RAB14: variants seen among roughly 807,000 people sequenced by gnomAD.
RAB14 encodes ras-related protein Rab-14.
Under a neutral mutation model 31.1 loss-of-function variants are expected in RAB14, and 3 were observed. The ratio of observed to expected loss-of-function variants is 0.10; its 90% confidence interval spans 0.04 to 0.25. RAB14 has a LOEUF of 0.25. Ranked by LOEUF, RAB14 falls within the 10% of genes least tolerant of loss-of-function variation. The pLI is 1.00. For missense variants in RAB14, 111 were observed against 260.1 expected (o/e 0.43, Z 3.94); for synonymous variants, 85 against 84.9 (o/e 1.00, Z 0.00).
At chr9:121,198,895 A>T (rs550566543) in intron 1 of RAB14, among the ~76,000 whole-genome samples, 1 of 152,092 alleles carries the variant, frequency 6.6e-6, no homozygotes, top group South Asian at 2.1e-4. Context: ...AATAAAAATG[A>T]GTGGTCAATT....
At chr9:121,190,270 T>C (rs547917420) in intron 4 of RAB14, among the ~76,000 whole-genome samples, 2 of 152,206 alleles carry the variant, frequency 1.3e-5, no homozygotes, top group South Asian at 2.1e-4. Context: ...TAAAATATTA[T>C]TTCTCCTCAA....
At chr9:121,199,907 T>C (rs755696371) in intron 1 of RAB14, among the ~76,000 whole-genome samples, 43 of 152,316 alleles carry the variant, frequency 2.8e-4, no homozygotes, top group Non-Finnish European at 4.6e-4. Context: ...TCCAAAGCTA[T>C]ACTCCTCTCT....
chr9:121,186,895 CT>C, intron 5 of RAB14, 57 bp downstream of exon 5: 9 of 1,266,994 alleles, frequency 7.1e-6, no homozygotes, highest in South Asian at 1.8e-5. Flanking sequence ...AATGGCTTCC[CT>C]TTTTGGGTTA....
intron 5 of RAB14, among the ~76,000 whole-genome samples, chr9:121,184,230 G>A (rs2053648123): frequency 6.6e-6 from 1 of 152,128 alleles, no homozygotes. Context: ...TACACAAGGG[G>A]CAGCTGGGAG....
chr9:121,187,922 G>C (rs771816904), intron 4 of RAB14, among the ~76,000 whole-genome samples: 2 of 151,960 alleles, frequency 1.3e-5, no homozygotes, highest in African/African-American at 2.4e-5. Flanking sequence ...ATCAGGCCTA[G>C]AACTCTTTTA....
intron 1 of RAB14, among the ~76,000 whole-genome samples, chr9:121,201,438 T>C (rs1045112872): frequency 6.6e-6 from 1 of 151,836 alleles, no homozygotes. Flanking sequence ...AGGGGACACC[T>C]CCGCCCCCGC....
rs1214749865 is a variant in RAB14 at position 121,183,493 on chromosome 9, ATGAC to A, written c.352-99_352-96del. ...AAATCCAAAAATCTTGATAGAAAAA[ATGAC>A]TGGGCCTAAAAAGAAAACCAAGTAC... is the stretch of plus-strand genomic sequence containing the variant. On this transcript the variant is annotated intron_variant, in intron 5 of 7. Coordinates refer to ENST00000373840, the MANE Select transcript of RAB14 (RefSeq NM_016322.4). 12 of 953,196 alleles carry A rather than the reference ATGAC, an allele frequency of 1.3e-5. No individual in the cohort carries two copies. The East Asian group carries it at 2.2e-4, about 17-fold the overall frequency. 59.0% of individuals were successfully genotyped at this position (953,196 alleles called of 1,614,324 possible). A position where few individuals can be genotyped will look rare whatever the true frequency, so the allele number is the denominator to read the frequency against.
chr9:121,192,302 A>G (rs1022320264), intron 2 of RAB14, 78 bp from the exon 3 acceptor site: 3 of 1,020,902 alleles, frequency 2.9e-6, no homozygotes. Flanking sequence ...TCCTTACCAT[A>G]TAACATATCA....
rs752511003 is a variant in RAB14, at chr9:121,201,798, T to C, written c.-167A>G. On this transcript the variant is annotated 5_prime_UTR_variant, in exon 1 of 8. Transcript: ENST00000373840. ...AGAGGTGCAGACGCGCCGGCAGCAG[T>C]AGCGGCAGTAGCAGTGGCAGCGGTG... 1.3e-5 allele frequency: 2 copies of C among 152,500 alleles called. No homozygotes were observed. Among genetic ancestry groups the C allele is most frequent in the East Asian group, 3.9e-4 (2 of 5,172 alleles). The allele number at this position is 152,500 out of a possible 1,614,324, so 9.4% of individuals were successfully genotyped here.
At chr9:121,183,006 C>A in intron 6 of RAB14, 46 bp from the exon 7 acceptor site, 1 of 1,537,120 alleles carries the variant, frequency 6.5e-7, no homozygotes. Context: ...CAAACTAACT[C>A]ACAAGTGCAC....
At chr9:121,188,961 A>G (rs2053672424) in intron 4 of RAB14, among the ~76,000 whole-genome samples, 1 of 152,028 alleles carries the variant, frequency 6.6e-6, no homozygotes, top group African/African-American at 2.4e-5. Flanking sequence ...GAAGTCACTC[A>G]CTCCCATCCT....
At chr9:121,186,873 A>C in intron 5 of RAB14, 80 bp downstream of exon 5, 1 of 971,432 alleles carries the variant, frequency 1.0e-6, no homozygotes, top group Non-Finnish European at 1.5e-6. Context: ...GAAGACAAAA[A>C]TCTCACCAGT....
chr9:121,188,593 T>C (rs2053670292), intron 4 of RAB14, among the ~76,000 whole-genome samples: 1 of 151,288 alleles, frequency 6.6e-6, no homozygotes, highest in African/African-American at 2.4e-5. Flanking sequence ...GCAAAACAAC[T>C]GTCACGACAA....
chr9:121,183,027 A>C, intron 6 of RAB14, 67 bp from the exon 7 acceptor site: 1 of 1,458,790 alleles, frequency 6.9e-7, no homozygotes, highest in South Asian at 1.2e-5. Flanking sequence ...TTCTTTAGTA[A>C]CATCTGAAAA....
intron 3 of RAB14, among the ~76,000 whole-genome samples, chr9:121,191,406 T>A (rs113425406): frequency 6.6e-6 from 1 of 152,216 alleles, no homozygotes; most frequent in African/African-American, 2.4e-5. Context: ...AGCACAAGCA[T>A]AGCTCACTGT....
chr9:121,195,261 T>G (rs1314902658), intron 1 of RAB14, among the ~76,000 whole-genome samples: 1 of 152,168 alleles, frequency 6.6e-6, no homozygotes, highest in Non-Finnish European at 1.5e-5. Flanking sequence ...TCTAATCAAT[T>G]TTTAATTCTT....
intron 4 of RAB14, among the ~76,000 whole-genome samples, chr9:121,188,594 G>C (rs751769557): frequency 6.6e-6 from 1 of 151,424 alleles, no homozygotes; most frequent in African/African-American, 2.4e-5. Flanking sequence ...CAAAACAACT[G>C]TCACGACAAG....
intron 2 of RAB14, among the ~76,000 whole-genome samples, chr9:121,193,073 A>G (rs531455180): frequency 2.0e-5 from 3 of 152,220 alleles, no homozygotes; most frequent in Admixed American, 2.0e-4. Context: ...ATGTTTCTGC[A>G]CTCCTTGAAA....
At chr9:121,192,411 T>A (rs887652236) in intron 2 of RAB14, among the ~76,000 whole-genome samples, 187 bp from the exon 3 acceptor site, 1 of 152,142 alleles carries the variant, frequency 6.6e-6, no homozygotes, top group Non-Finnish European at 1.5e-5. Flanking sequence ...TCCCAATCTT[T>A]AGCAGTGACA....
Sources: gnomAD v4.1 joint callset for allele counts (sites outside exome capture counted in the v4.1 genomes callset) on GRCh38, gnomAD v4.1.1 for gene constraint, MANE v1.5 for transcripts, NCBI Gene and HGNC (gene_info 2026-07-23, HGNC 2026-07-21) for gene names.